Variants in SEMA5A observed in about 807,000 individuals in gnomAD.
SEMA5A encodes semaphorin-5A.
Under a neutral mutation model 135.5 loss-of-function variants are expected in SEMA5A, and 55 were observed. That is an observed-to-expected ratio of 0.41 (90% CI 0.33 to 0.51). The LOEUF (loss-of-function observed/expected upper bound fraction) is 0.51. SEMA5A is among the 20% of genes least tolerant of loss of function. SEMA5A has a pLI of 0.37. For synonymous variants in SEMA5A, 580 were observed against 546.5 expected (o/e 1.06, Z -0.85); for missense variants, 1,290 against 1,419.9 (o/e 0.91, Z 1.47).
chr5:9,424,221 T>G (rs1246253842), intron 2 of SEMA5A, among the ~76,000 whole-genome samples: 2 of 152,184 alleles, frequency 1.3e-5, no homozygotes, highest in Non-Finnish European at 2.9e-5. Flanking sequence ...CATCAAATAT[T>G]TCATTGTAAG....
At chr5:9,453,701 C>T (rs752342200) in intron 1 of SEMA5A, among the ~76,000 whole-genome samples, 25 of 152,126 alleles carry the variant, frequency 1.6e-4, no homozygotes, top group Non-Finnish European at 2.2e-4. Context: ...GGAACCAAAC[C>T]CTATATTTCC....
At chr5:9,297,865 T>C (rs1435552412) in intron 5 of SEMA5A, among the ~76,000 whole-genome samples, 1 of 152,022 alleles carries the variant, frequency 6.6e-6, no homozygotes, top group Non-Finnish European at 1.5e-5. Flanking sequence ...ATTACAGGTG[T>C]GAACCACCAT....
At position 9,190,522 on chromosome 5, in the gene SEMA5A, C is replaced by T. The variant is rs1806131; in HGVS notation, c.1069-51G>A. 1.0e-5 allele frequency: 16 copies of T among 1,585,436 alleles called. No individual in the cohort carries two copies. In the Admixed American group the frequency reaches 2.5e-4, roughly 25 times the overall value. On this transcript the variant is annotated intron_variant, in intron 10 of 22. Transcript: ENST00000382496. ...CCAGAGCCGGCAGCCTGGACACCCACAGCTGGCTGTGGCCACCCTAGCTGG... is the reference window on the plus strand; with the variant it reads ...CCAGAGCCGGCAGCCTGGACACCCATAGCTGGCTGTGGCCACCCTAGCTGG...
intron 3 of SEMA5A, among the ~76,000 whole-genome samples, chr5:9,374,346 T>C (rs909064354): frequency 2.7e-5 from 4 of 148,486 alleles, no homozygotes; most frequent in African/African-American, 9.9e-5. Flanking sequence ...CTAAGTTGCA[T>C]GAAGACGTTC....
In SEMA5A at chr5:9,039,407, T is replaced by G. The variant is rs541161084; in HGVS notation, c.*3490A>C. 1 of 152,396 alleles carries G rather than the reference T, an allele frequency of 6.6e-6. No individual in the cohort carries two copies. The highest frequency in any genetic ancestry group is 2.4e-5 in the African/African-American group (1 of 41,586). The allele number at this position is 152,396 out of a possible 1,614,324, so 9.4% of individuals were successfully genotyped here. Reference sequence around the variant, plus strand: ...CCCAAACCACATGACATGAACGGACTCTTCCTAGGGACAGAGGTTTCTCCC... The same window carrying G: ...CCCAAACCACATGACATGAACGGACGCTTCCTAGGGACAGAGGTTTCTCCC... On this transcript the variant is annotated 3_prime_UTR_variant, in exon 23 of 23. Transcript: ENST00000382496.
chr5:9,489,539 C>A (rs543974431), intron 1 of SEMA5A, among the ~76,000 whole-genome samples: 1 of 152,070 alleles, frequency 6.6e-6, no homozygotes, highest in Non-Finnish European at 1.5e-5. Context: ...GGTTACACGG[C>A]CAATATGTCT....
intron 1 of SEMA5A, among the ~76,000 whole-genome samples, chr5:9,524,005 C>T (rs913776829): frequency 6.6e-6 from 1 of 152,052 alleles, no homozygotes; most frequent in African/African-American, 2.4e-5. Flanking sequence ...AATCATAATC[C>T]CCACATGTTG....
intron 5 of SEMA5A, among the ~76,000 whole-genome samples, chr5:9,288,809 T>C (rs1445734226): frequency 1.3e-5 from 2 of 152,324 alleles, no homozygotes; most frequent in East Asian, 1.9e-4. Context: ...CAGTAGCTAA[T>C]GTACAAGTTG....
intron 13 of SEMA5A, among the ~76,000 whole-genome samples, chr5:9,131,738 C>T (rs1020103480): frequency 6.7e-6 from 1 of 149,934 alleles, no homozygotes; most frequent in African/African-American, 2.5e-5. Context: ...GATTCGCCCC[C>T]ATGACCTAAA....
intron 1 of SEMA5A, among the ~76,000 whole-genome samples, chr5:9,454,717 C>T (rs1758767209): frequency 6.6e-6 from 1 of 152,212 alleles, no homozygotes; most frequent in Non-Finnish European, 1.5e-5. Flanking sequence ...AAGCGCTTCT[C>T]CTCTAGCAAT....
chr5:9,320,709 T>A (rs951838375), intron 4 of SEMA5A, among the ~76,000 whole-genome samples: 5 of 151,954 alleles, frequency 3.3e-5, no homozygotes, highest in African/African-American at 1.2e-4. Context: ...CAGAGAGAGA[T>A]CCTGTCTCAA....
At chr5:9,376,554 A>T (rs921144809) in intron 3 of SEMA5A, among the ~76,000 whole-genome samples, 2 of 152,190 alleles carry the variant, frequency 1.3e-5, no homozygotes, top group African/African-American at 4.8e-5. Flanking sequence ...GACCCTTCAC[A>T]GAATATTACG....
intron 1 of SEMA5A, among the ~76,000 whole-genome samples, chr5:9,473,616 AG>A (rs992687565): frequency 1.3e-5 from 2 of 151,754 alleles, no homozygotes; most frequent in Non-Finnish European, 2.9e-5. Context: ...GGAAAGAAGG[AG>A]GGAAGGAGCT....
At chr5:9,465,592 G>C (rs1300741929) in intron 1 of SEMA5A, among the ~76,000 whole-genome samples, 1 of 152,170 alleles carries the variant, frequency 6.6e-6, no homozygotes, top group Non-Finnish European at 1.5e-5. Context: ...ATGATGTATA[G>C]GCATTACATA....
At chr5:9,133,264 C>T (rs1228517300) in intron 13 of SEMA5A, among the ~76,000 whole-genome samples, 1 of 152,302 alleles carries the variant, frequency 6.6e-6, no homozygotes, top group East Asian at 1.9e-4. Context: ...TCTAGGTCAT[C>T]TCCTTCTAAG....
chr5:9,384,699 G>A (rs1050272574), intron 2 of SEMA5A, among the ~76,000 whole-genome samples: 4 of 141,482 alleles, frequency 2.8e-5, no homozygotes, highest in Admixed American at 2.3e-4. Context: ...TAGATAGATA[G>A]ATAGATAGAT....
chr5:9,229,603 C>T (rs1747506172), intron 6 of SEMA5A, among the ~76,000 whole-genome samples: 1 of 152,078 alleles, frequency 6.6e-6, no homozygotes, highest in Non-Finnish European at 1.5e-5. Context: ...ATATTAATGA[C>T]ACCATCATAA....
chr5:9,354,936 G>C (rs1178218156), intron 3 of SEMA5A, among the ~76,000 whole-genome samples: 2 of 152,170 alleles, frequency 1.3e-5, no homozygotes, highest in Admixed American at 6.5e-5. Flanking sequence ...AGCAAGAGAA[G>C]CAGGACAGGA....
intron 5 of SEMA5A, among the ~76,000 whole-genome samples, chr5:9,300,341 T>C (rs554015827): frequency 6.7e-6 from 1 of 150,216 alleles, no homozygotes; most frequent in African/African-American, 2.4e-5. Context: ...TCTCCTCATT[T>C]CTAATGCCAT....
Sources: allele counts gnomAD v4.1 joint callset (sites outside exome capture counted in the v4.1 genomes callset), GRCh38; gene constraint gnomAD v4.1.1; transcripts MANE v1.5; gene names NCBI Gene and HGNC (gene_info 2026-07-23, HGNC 2026-07-21).